Variants in AKAP9 observed in about 807,000 individuals in gnomAD.
AKAP9 encodes A-kinase anchoring protein 9, also known as A-kinase anchor protein 9.
Under a neutral mutation model 488.5 loss-of-function variants are expected in AKAP9, and 311 were observed. The observed-to-expected ratio is 0.64, with a 90% CI of 0.58 to 0.70. The LOEUF (loss-of-function observed/expected upper bound fraction) is 0.70, where lower values mean the gene tolerates loss of function less well. AKAP9 is among the 30% of genes least tolerant of loss of function. The probability of loss-of-function intolerance (pLI) is 0.00; values close to 1 mark genes in which losing one functional copy is unlikely to be tolerated. For missense variants in AKAP9, 4,215 were observed against 4,374.5 expected (o/e 0.96, Z 1.03); for synonymous variants, 1,462 against 1,483.5 (o/e 0.99, Z 0.33).
chr7:91,975,921 G>T lies in AKAP9; in HGVS notation c.306+1953G>T, dbSNP rs1449051063. Among the ~76,000 whole-genome samples, 18 of 111,676 alleles carry T rather than the reference G, an allele frequency of 1.6e-4. 1 individual carries two copies. Among genetic ancestry groups the T allele is most frequent in the South Asian group, 2.8e-4 (1 of 3,562 alleles). 73.3% of individuals were successfully genotyped at this position (111,676 alleles called of 152,430 possible). A position where few individuals can be genotyped will look rare whatever the true frequency, so the allele number is the denominator to read the frequency against. ...TTATTGGTTTGTTTTTTGTTTGTTT[G>T]TTTGTTTTTTTTTTTTTTGAGACAA... On this transcript the variant is annotated intron_variant, in intron 2 of 49. Transcript: ENST00000356239.
At chr7:91,949,501 A>G (rs1366151458) in intron 1 of AKAP9, among the ~76,000 whole-genome samples, 1 of 152,218 alleles carries the variant, frequency 6.6e-6, no homozygotes, top group Non-Finnish European at 1.5e-5. Flanking sequence ...GTGAGAAAAA[A>G]GTAACTTAGT....
Position 92,098,213 on chromosome 7 carries a change from A to C in AKAP9, c.10712A>C (p.Glu3571Ala). Residue 3571 changes from glutamate to alanine, a missense_variant and splice_region_variant, in exon 43 of 50, where the codon GAG becomes GCG. Physicochemically the swap from Glu to Ala is moderately radical, Grantham distance 107. Around this residue, in one of 5 missense-constraint regions of AKAP9, gnomAD observed 1,476 missense variants for 1,477.4 expected, o/e 1.00. Transcript: ENST00000356239. ...AAATTAACTGGCCAGCAAGGTGAAG[A>C]GGTAATACTTTTTAAAAGTTATTTC... is the stretch of plus-strand genomic sequence containing the variant. ...LQKLTGQQGE[E>A]PSLVSPSTSC... 6.3e-7 allele frequency: 1 copy of C among 1,583,242 alleles called. No homozygotes were observed. The highest frequency in any genetic ancestry group is 8.7e-7 in the Non-Finnish European group (1 of 1,152,450).
chr7:92,071,246 G>C (rs554188502), intron 28 of AKAP9, among the ~76,000 whole-genome samples: 4 of 152,152 alleles, frequency 2.6e-5, no homozygotes, highest in African/African-American at 9.7e-5. Context: ...GAAGCAGGAC[G>C]AAGTTCGGAG....
chr7:92,070,832 C>T lies in AKAP9; in HGVS notation c.6508-73C>T, dbSNP rs1811611102. The T allele has an allele frequency of 7.9e-6, 8 of 1,013,360 alleles. No individual in the cohort carries two copies. The South Asian group carries it at 1.2e-4, about 16-fold the overall frequency. 62.8% of individuals were successfully genotyped at this position (1,013,360 alleles called of 1,614,324 possible). ...AAAAAAAAAAAAAAAAAAAGCAGAC[C>T]AAAAAACAAAAAAAAACTGGATAAT... On this transcript the variant is annotated intron_variant, in intron 27 of 49. Transcript: ENST00000356239.
intron 2 of AKAP9, among the ~76,000 whole-genome samples, chr7:91,974,776 A>G (rs1795456726): frequency 6.6e-6 from 1 of 152,028 alleles, no homozygotes; most frequent in Admixed American, 6.6e-5. Flanking sequence ...TTTTAATGTT[A>G]CCTTGTTTTC....
At chr7:91,947,264 T>C (rs543383383) in intron 1 of AKAP9, among the ~76,000 whole-genome samples, 3 of 152,130 alleles carry the variant, frequency 2.0e-5, no homozygotes, top group East Asian at 3.9e-4. Context: ...ACTAGGACTT[T>C]GGAGACATTT....
intron 1 of AKAP9, among the ~76,000 whole-genome samples, chr7:91,952,921 G>C (rs1192456668): frequency 6.6e-6 from 1 of 152,182 alleles, no homozygotes. Context: ...CCAGGCTCAA[G>C]CAGTCCTCCT....
At chr7:92,069,682 A>G (rs749360394) in intron 26 of AKAP9, among the ~76,000 whole-genome samples, 8 of 152,178 alleles carry the variant, frequency 5.3e-5, no homozygotes, top group Admixed American at 6.6e-5. Flanking sequence ...AAATGCTCCA[A>G]TGAGCATTTC....
At chr7:91,950,396 AT>A (rs1792070256) in intron 1 of AKAP9, among the ~76,000 whole-genome samples, 1 of 151,822 alleles carries the variant, frequency 6.6e-6, no homozygotes, top group South Asian at 2.1e-4. Context: ...AGCCCGGCTA[AT>A]TTTTCTGTAT....
chr7:91,948,112 A>G (rs967822539), intron 1 of AKAP9, among the ~76,000 whole-genome samples: 2 of 152,222 alleles, frequency 1.3e-5, no homozygotes, highest in Non-Finnish European at 2.9e-5. Flanking sequence ...TTTGCTGCAT[A>G]TATCAGTACT....
rs1046204109 is a variant in AKAP9, at chr7:92,053,551, C to G, written c.5601+593C>G. On this transcript the variant is annotated intron_variant, in intron 22 of 49. Transcript: ENST00000356239. Reference sequence around the variant, plus strand: ...AACATTCATTTCCCCAGGCCAAGACCACAGCTCATAGCAGCTGTCTGCTTA... The same window carrying G: ...AACATTCATTTCCCCAGGCCAAGACGACAGCTCATAGCAGCTGTCTGCTTA... Among the ~76,000 whole-genome samples the G allele has an allele frequency of 5.3e-5, 8 of 152,242 alleles. No individual in the cohort carries two copies. The East Asian group carries it at 1.5e-3, about 29-fold the overall frequency.
intron 30 of AKAP9, 65 bp downstream of exon 30, chr7:92,077,940 A>G (rs1812882023): frequency 1.8e-6 from 2 of 1,132,032 alleles, no homozygotes; most frequent in Non-Finnish European, 1.3e-6. Context: ...CAAAATGGTT[A>G]TAATGTTGCT....
chr7:92,009,013 GA>G (rs1400059708), intron 8 of AKAP9, among the ~76,000 whole-genome samples: 3 of 151,406 alleles, frequency 2.0e-5, no homozygotes, highest in South Asian at 2.1e-4. Flanking sequence ...AAATGATCGG[GA>G]AAAAAAGACA....
chr7:92,070,219 A>G lies in AKAP9; in HGVS notation c.6507+13A>G, dbSNP rs773361321. On this transcript the variant is annotated intron_variant, in intron 27 of 49. Transcript: ENST00000356239. ...TACTTTTCAAAAGGTGTGGCATTTT[A>G]TTTGGGCTAACTTAATAAGTGTTTT... The G allele has an allele frequency of 6.2e-7, 1 of 1,613,644 alleles. No homozygotes were observed. Among genetic ancestry groups the G allele is most frequent in the South Asian group, 1.1e-5 (1 of 91,026 alleles).
chr7:92,015,654 A>T, intron 10 of AKAP9, among the ~76,000 whole-genome samples: 1 of 152,010 alleles, frequency 6.6e-6, no homozygotes, highest in Non-Finnish European at 1.5e-5. Context: ...ATGAGCCACC[A>T]CGCCTGGCCT....
rs1299097095 is a variant in AKAP9 at position 92,001,581 on chromosome 7, A to G, written c.1664A>G (p.Glu555Gly). The change falls in exon 8 of 50, where the codon GAA (glutamate) becomes GGA (glycine). Residue 555 changes from glutamate to glycine, a missense_variant. Glu to Gly is a moderately conservative substitution (Grantham distance 98). This residue lies in a region of AKAP9 where 2,361 missense variants were observed against 2,430.0 expected (regional missense o/e 0.97). Coordinates refer to ENST00000356239, the MANE Select transcript of AKAP9 (RefSeq NM_005751.5). ...QRARQTIAEQ[E>G]SKLNEAHKSL... ...GCTAGACAGACAATAGCTGAACAAG[A>G]AAGTAAACTTAATGAAGCACATAAG... is the stretch of plus-strand genomic sequence containing the variant. 6.2e-7 allele frequency: 1 copy of G among 1,613,902 alleles called. No homozygotes were observed. Among genetic ancestry groups the G allele is most frequent in the Admixed American group, 1.7e-5 (1 of 59,994 alleles).
At chr7:92,046,603 C>T (rs1807049133) in intron 21 of AKAP9, among the ~76,000 whole-genome samples, 1 of 152,042 alleles carries the variant, frequency 6.6e-6, no homozygotes, top group Non-Finnish European at 1.5e-5. Flanking sequence ...GAATTTTAAA[C>T]CTTGCTTTCA....
chr7:92,018,284 C>T (rs557789926), intron 12 of AKAP9, among the ~76,000 whole-genome samples: 98 of 151,934 alleles, frequency 6.5e-4, no homozygotes, highest in African/African-American at 2.2e-3. Flanking sequence ...ACTTGAGAAG[C>T]TGAGGTGGGA....
At position 92,056,867 on chromosome 7, in the gene AKAP9, T is replaced by C. The variant is rs1188490411; in HGVS notation, c.5601+3909T>C. Among the ~76,000 whole-genome samples the C allele has an allele frequency of 2.6e-5, 4 of 152,138 alleles. No individual in the cohort carries two copies. In the East Asian group the frequency reaches 7.7e-4, roughly 29 times the overall value. On this transcript the variant is annotated intron_variant, in intron 22 of 49. Transcript: ENST00000356239. Reference sequence around the variant, plus strand: ...ATAAAGGCTTTGTGGATTTAGGATATTTAGTTACTGGAAAGAATAATACCA... The same window carrying C: ...ATAAAGGCTTTGTGGATTTAGGATACTTAGTTACTGGAAAGAATAATACCA...
Sources: gnomAD v4.1 joint callset for allele counts (sites outside exome capture counted in the v4.1 genomes callset) on GRCh38, gnomAD v4.1.1 for gene constraint, gnomAD v4.1.1 regional missense constraint, MANE v1.5 for transcripts, NCBI Gene and HGNC (gene_info 2026-07-23, HGNC 2026-07-21) for gene names.